UBA52: variants seen among roughly 807,000 people sequenced by gnomAD.
UBA52 encodes ubiquitin A-52 residue ribosomal protein fusion product 1, also known as ubiquitin-ribosomal protein eL40 fusion protein.
In UBA52, 1 loss-of-function variant was observed where a neutral mutation model predicts 15.3. The observed-to-expected ratio is 0.07, with a 90% CI of 0.02 to 0.31. The LOEUF is 0.31. Ranked by LOEUF, UBA52 falls within the 10% of genes least tolerant of loss-of-function variation. The probability of loss-of-function intolerance (pLI) is 1.00; values close to 1 mark genes in which losing one functional copy is unlikely to be tolerated. For missense variants in UBA52, 87 were observed against 168.0 expected (o/e 0.52, Z 2.66); for synonymous variants, 50 against 58.3 (o/e 0.86, Z 0.65).
upstream of UBA52, among the ~76,000 whole-genome samples, chr19:18,570,626 C>T (rs1313132422): frequency 5.3e-5 from 8 of 151,356 alleles, no homozygotes; most frequent in Non-Finnish European, 1.0e-4. Flanking sequence ...ATTCTCCTGC[C>T]TCAGCCTCCT....
chr19:18,565,190 C>T, the UBA52 span: 16 of 1,397,178 alleles, frequency 1.1e-5, no homozygotes, highest in East Asian at 1.0e-4. Context: ...AAAATCTTGA[C>T]GTAAGTTTAT....
chr19:18,574,448 C>T (rs1405081070), intron 3 of UBA52, among the ~76,000 whole-genome samples: 3 of 151,934 alleles, frequency 2.0e-5, no homozygotes, highest in Middle Eastern at 3.4e-3. Context: ...GCCACCACGC[C>T]CAGCTAATTT....
chr19:18,570,317 C>T (rs560414704), upstream of UBA52, among the ~76,000 whole-genome samples: 74 of 151,774 alleles, frequency 4.9e-4, no homozygotes, highest in Admixed American at 1.2e-3. Context: ...CCTCCTGCCT[C>T]CGAAGTAGCT....
intron 3 of UBA52, 80 bp downstream of exon 3, chr19:18,573,828 G>A: frequency 7.4e-7 from 1 of 1,359,354 alleles, no homozygotes; most frequent in South Asian, 1.2e-5. Flanking sequence ...TCAGGGGTTG[G>A]GGAGCAGTTC....
In UBA52 at chr19:18,575,364, A is replaced by G. The variant is rs925648612; in HGVS notation, c.*214A>G. 1.7e-5 allele frequency: 10 copies of G among 579,800 alleles called. No individual in the cohort carries two copies. The highest frequency in any genetic ancestry group is 1.5e-4 in the East Asian group (5 of 33,604). The allele number at this position is 579,800 out of a possible 1,614,324, so 35.9% of individuals were successfully genotyped here. On this transcript the variant is annotated 3_prime_UTR_variant, in exon 5 of 5. Coordinates refer to ENST00000442744, the MANE Select transcript of UBA52 (RefSeq NM_001033930.3). ...GGTCTTCTGTCCTAGATTCTGTCAC[A>G]TCGGCATTGGTCCCTGCCCTATGCC...
rs1975606369 is a variant in UBA52, at chr19:18,573,399, G to A, written c.99G>A (p.Lys33=). The change falls in exon 2 of 5, where the codon AAG becomes AAA. Residue 33 remains lysine (K), a synonymous_variant. Transcript: ENST00000442744. ...ATGTCAAAGCCAAAATTCAAGACAA[G>A]GAGGGTGAGTAGGGCTGGGTGTGGG... The part of the protein sequence containing the change: ...IENVKAKIQD[K]EGIPPDQQRL... 1.9e-6 allele frequency: 3 copies of A among 1,613,910 alleles called. No individual in the cohort carries two copies. The East Asian group carries it at 6.7e-5, about 36-fold the overall frequency.
Position 18,575,410 on chromosome 19 carries a change from CTG to C in UBA52, c.*262_*263del. 1 of 486,098 alleles carries C rather than the reference CTG, an allele frequency of 2.1e-6. No individual in the cohort carries two copies. Among genetic ancestry groups the C allele is most frequent in the South Asian group, 2.2e-5 (1 of 46,076 alleles). 30.1% of individuals were successfully genotyped at this position (486,098 alleles called of 1,614,324 possible). ...ATGCCCCTGACTCTGGATTTGTCAT[CTG>C]TAAAACTGGAGTAAAAACCTCAGTC... On this transcript the variant is annotated 3_prime_UTR_variant, in exon 5 of 5. Coordinates refer to ENST00000442744, the MANE Select transcript of UBA52 (RefSeq NM_001033930.3).
the UBA52 span, among the ~76,000 whole-genome samples, chr19:18,566,471 G>A: frequency 7.9e-6 from 1 of 127,362 alleles, no homozygotes; most frequent in Non-Finnish European, 1.8e-5. Flanking sequence ...AAAAAAAAAA[G>A]TAACATAGTG....
rs144337141 is a variant in UBA52, at chr19:18,575,131, C to A, written c.368C>A (p.Pro123His). Residue 123 changes from proline to histidine, a missense_variant, in exon 5 of 5, where the codon CCC becomes CAC. Physicochemically the swap from Pro to His is moderately conservative, Grantham distance 77. Coordinates refer to ENST00000442744, the MANE Select transcript of UBA52 (RefSeq NM_001033930.3). ...KKCGHTNNLR[P>H]KKKVK ...TGTGGTCACACCAACAACCTGCGTC[C>A]CAAGAAGAAGGTCAAATAAGGTGGT... 6.2e-7 allele frequency: 1 copy of A among 1,614,146 alleles called. No homozygotes were observed. Among genetic ancestry groups the A allele is most frequent in the Non-Finnish European group, 8.5e-7 (1 of 1,180,020 alleles).
chr19:18,566,099 G>A, the UBA52 span, among the ~76,000 whole-genome samples: 7 of 152,094 alleles, frequency 4.6e-5, no homozygotes, highest in Admixed American at 1.3e-4. Context: ...CCAAAGTGCT[G>A]GGATTATAGG....
At position 18,575,045 on chromosome 19, in the gene UBA52, G is replaced by T; in HGVS notation, c.294-12G>T. On this transcript the variant is annotated splice_polypyrimidine_tract_variant and intron_variant, in intron 4 of 4. Transcript: ENST00000442744. ...GGGTATGCCCTCACCCACCCCTCCT[G>T]TCTCTGTGCAGGTGCTATGCTCGCC... 1 of 1,614,174 alleles carries T rather than the reference G, an allele frequency of 6.2e-7. No individual in the cohort carries two copies. The highest frequency in any genetic ancestry group is 1.1e-5 in the South Asian group (1 of 91,088).
the UBA52 span, among the ~76,000 whole-genome samples, chr19:18,566,455 C>CAAA: frequency 4.8e-4 from 56 of 116,614 alleles, 2 homozygotes; most frequent in Middle Eastern, 0.023. Flanking sequence ...GACTCCGTCT[C>CAAA]AAAAAAAAAA....
chr19:18,574,391 C>T (rs957250452), intron 3 of UBA52, among the ~76,000 whole-genome samples: 35 of 151,726 alleles, frequency 2.3e-4, no homozygotes, highest in Non-Finnish European at 2.9e-5. Flanking sequence ...CGGGTTCAAG[C>T]GATTCCCCTG....
At chr19:18,570,011 A>C (rs1975425004), upstream of UBA52, among the ~76,000 whole-genome samples, 1 of 152,174 alleles carries the variant, frequency 6.6e-6, no homozygotes, top group Non-Finnish European at 1.5e-5. Flanking sequence ...AGCCTGGGCA[A>C]AAAGACCAAA....
At chr19:18,564,387 C>T in the UBA52 span, among the ~76,000 whole-genome samples, 4 of 151,916 alleles carry the variant, frequency 2.6e-5, no homozygotes, top group East Asian at 2.0e-4. Flanking sequence ...TTTGGGAGGC[C>T]GAGGTGGGTG....
chr19:18,570,506 A>AC (rs56348569), upstream of UBA52, among the ~76,000 whole-genome samples: 45,970 of 111,758 alleles, frequency 0.41, 11,589 homozygotes, highest in East Asian at 0.6. Flanking sequence ...CCGCCGTGGC[A>AC]CTTTTTTTTT....
rs1008090640 is a variant in UBA52 at position 18,577,475 on chromosome 19, G to A, written c.*2325G>A. On this transcript the variant is annotated 3_prime_UTR_variant, in exon 5 of 5. Transcript: ENST00000442744. ...GCTGCTGCTCACTCTCCTGGTCCGT[G>A]GACTCTTTTTGAACTGTTAACACTC... The A allele has an allele frequency of 6.6e-6, 1 of 152,032 alleles. No individual in the cohort carries two copies. Among genetic ancestry groups the A allele is most frequent in the African/African-American group, 2.4e-5 (1 of 41,368 alleles). 9.4% of individuals were successfully genotyped at this position (152,032 alleles called of 1,614,324 possible).
intron 1 of UBA52, 82 bp downstream of exon 1, chr19:18,571,991 C>CTCA (rs1413936018): frequency 6.6e-6 from 1 of 152,400 alleles, no homozygotes; most frequent in African/African-American, 2.4e-5. Flanking sequence ...CCTGAGCTGG[C>CTCA]TCATGCGGGC....
At chr19:18,571,436 C>T (rs2145275292), upstream of UBA52, among the ~76,000 whole-genome samples, 1 of 152,294 alleles carries the variant, frequency 6.6e-6, no homozygotes, top group Non-Finnish European at 1.5e-5. Context: ...CATTCAGGCA[C>T]AGCGGCCGAG....
Sources: gnomAD v4.1 joint callset for allele counts (sites outside exome capture counted in the v4.1 genomes callset) on GRCh38, gnomAD v4.1.1 for gene constraint, MANE v1.5 for transcripts, NCBI Gene and HGNC (gene_info 2026-07-23, HGNC 2026-07-21) for gene names.